Variants in SH3TC2 observed in about 807,000 individuals in gnomAD.
The protein encoded by SH3TC2 is SH3 domain and tetratricopeptide repeat-containing protein 2.
SH3TC2 carries 87 observed loss-of-function variants against 124.5 expected under a neutral mutation model. The observed-to-expected ratio is 0.70, with a 90% CI of 0.59 to 0.84. The LOEUF (loss-of-function observed/expected upper bound fraction) is 0.84, where lower values mean the gene tolerates loss of function less well. Among genes scored for constraint, SH3TC2 ranks in the 40% least tolerant of loss-of-function variants. The pLI, the probability that SH3TC2 is intolerant of heterozygous loss-of-function variation, is 0.00. For missense variants in SH3TC2, 1,536 were observed against 1,566.4 expected (o/e 0.98, Z 0.33); for synonymous variants, 634 against 628.5 (o/e 1.01, Z -0.13).
chr5:149,026,836 C>G, intron 11 of SH3TC2, 24 bp downstream of exon 11: 1 of 1,614,172 alleles, frequency 6.2e-7, no homozygotes, highest in Non-Finnish European at 8.5e-7. Flanking sequence ...TCTATAGCTT[C>G]CCAGCAGCAT....
At chr5:149,006,281 A>G (rs1360149382) in intron 16 of SH3TC2, 5 of 110,614 alleles carry the variant, frequency 4.5e-5, no homozygotes, top group Non-Finnish European at 1.0e-4. Flanking sequence ...AGCAAGCAAA[A>G]AAAGAAGTTC....
intron 3 of SH3TC2, chr5:149,046,644 T>G (rs934472813): frequency 1.3e-5 from 2 of 152,172 alleles, no homozygotes; most frequent in African/African-American, 4.8e-5. Context: ...TGATTAGATT[T>G]CAGATCTAGC....
intron 2 of SH3TC2, 93 bp downstream of exon 2, chr5:149,052,049 G>C: frequency 1.1e-6 from 1 of 913,138 alleles, no homozygotes; most frequent in South Asian, 1.3e-5. Context: ...CATCAAGAGG[G>C]AAAGAGGGAG....
chr5:149,012,480 G>A, intron 13 of SH3TC2, 104 bp downstream of exon 13: 1 of 1,427,586 alleles, frequency 7.0e-7, no homozygotes, highest in South Asian at 1.2e-5. Context: ...GGCTTAGGGT[G>A]AACATCATCC....
chr5:149,036,074 A>G (rs1387125795), intron 8 of SH3TC2: 2 of 152,200 alleles, frequency 1.3e-5, no homozygotes, highest in African/African-American at 4.8e-5. Context: ...TTATTAGCTC[A>G]TTTAAAGTCA....
rs1753610885 is a variant in SH3TC2 at position 149,002,302 on chromosome 5, G to C, written c.*2409C>G. The C allele has an allele frequency of 6.5e-6, 1 of 152,726 alleles. No homozygotes were observed. The highest frequency in any genetic ancestry group is 1.5e-5 in the Non-Finnish European group (1 of 68,098). 9.5% of individuals were successfully genotyped at this position (152,726 alleles called of 1,614,324 possible). On this transcript the variant is annotated 3_prime_UTR_variant, in exon 17 of 17. Transcript: ENST00000515425. The stretch of plus-strand genomic sequence containing the variant: ...CTGACTGTCTCCCAGGAATGTTGTT[G>C]AAAGGACTATGCACGGGAGATTAGA...
chr5:149,047,014 C>G (rs1363552559), intron 3 of SH3TC2: 1 of 152,148 alleles, frequency 6.6e-6, no homozygotes, highest in Non-Finnish European at 1.5e-5. Flanking sequence ...CATGCAGAAA[C>G]TGTAAAAAGT....
At position 148,986,632 on chromosome 5, in the gene SH3TC2, C is replaced by T. The variant is rs1351459870; in HGVS notation, c.*18079G>A. Among the ~76,000 whole-genome samples, 1 of 152,186 alleles carries T rather than the reference C, an allele frequency of 6.6e-6. No individual in the cohort carries two copies. Among genetic ancestry groups the T allele is most frequent in the Non-Finnish European group, 1.5e-5 (1 of 68,036 alleles). ...AAAAGTGAACTTCAATTAGATTATT[C>T]ATACACAACAGGTTTGAGTACATGA... On this transcript the variant is annotated 3_prime_UTR_variant, in exon 17 of 17. Transcript: ENST00000515425.
intron 12 of SH3TC2, among the ~76,000 whole-genome samples, chr5:149,020,639 A>G (rs1652460974): frequency 6.6e-6 from 1 of 152,220 alleles, no homozygotes; most frequent in Admixed American, 6.5e-5. Flanking sequence ...CCACATTAAC[A>G]GTAACCAAAG....
intron 12 of SH3TC2, 62 bp from the exon 13 acceptor site, chr5:149,012,796 C>T (rs1753806589): frequency 6.3e-7 from 1 of 1,588,042 alleles, no homozygotes; most frequent in Admixed American, 1.7e-5. Flanking sequence ...GTCCACTCAG[C>T]ACAGGATGAA....
At chr5:149,009,318 C>T (rs1028088818) in intron 14 of SH3TC2, among the ~76,000 whole-genome samples, 4 of 152,198 alleles carry the variant, frequency 2.6e-5, no homozygotes, top group African/African-American at 9.7e-5. Context: ...GCTGTGTGCT[C>T]CCCTAGCATC....
In SH3TC2 at chr5:149,012,658, C is replaced by A. The variant is rs1753803919; in HGVS notation, c.3130G>T (p.Ala1044Ser). 1.9e-6 allele frequency: 3 copies of A among 1,614,202 alleles called. No individual in the cohort carries two copies. The South Asian group carries it at 3.3e-5, about 18-fold the overall frequency. Residue 1044 changes from alanine (A) to serine (S), a missense_variant, in exon 13 of 17, where the codon GCT (alanine) becomes TCT (serine). Transcript: ENST00000515425. ...CGCCCCGCCCCAAGCCAGGCCTCAG[C>A]AGCCTTGTCTGTCTCCCCCAGGTCA... ...FIDLGETDKA[A>S]EAWLGAGRLH... is the part of the protein sequence containing the mutation.
chr5:149,011,650 T>C (rs965915670), intron 13 of SH3TC2, among the ~76,000 whole-genome samples: 3 of 152,204 alleles, frequency 2.0e-5, no homozygotes, highest in African/African-American at 7.2e-5. Flanking sequence ...GTGAAGTGTT[T>C]GGCAAAGTCT....
intron 10 of SH3TC2, 52 bp downstream of exon 10, chr5:149,028,625 A>G (rs1754126800): frequency 1.2e-6 from 2 of 1,614,192 alleles, no homozygotes; most frequent in Non-Finnish European, 1.7e-6. Context: ...GCAAGAGGAC[A>G]GAAGTGCTGT....
At chr5:149,048,409 G>C (rs1013617672) in intron 2 of SH3TC2, among the ~76,000 whole-genome samples, 2 of 152,076 alleles carry the variant, frequency 1.3e-5, no homozygotes, top group Non-Finnish European at 2.9e-5. Flanking sequence ...GTTATCATAT[G>C]TAATAGACAT....
chr5:149,050,053 C>G (rs1017609028), intron 2 of SH3TC2, among the ~76,000 whole-genome samples: 2 of 152,196 alleles, frequency 1.3e-5, no homozygotes, highest in Non-Finnish European at 2.9e-5. Context: ...TTCGTAGCCC[C>G]TGCTGACTGA....
At chr5:149,007,347 T>C (rs1753708414) in intron 15 of SH3TC2, 1 of 600,896 alleles carries the variant, frequency 1.7e-6, no homozygotes, top group Non-Finnish European at 3.0e-6. Context: ...AGTGACTAAG[T>C]AGAGGATGGG....
intron 1 of SH3TC2, among the ~76,000 whole-genome samples, chr5:149,057,029 CT>C (rs34948925): frequency 6.6e-6 from 1 of 151,904 alleles, no homozygotes; most frequent in Non-Finnish European, 1.5e-5. Context: ...TCTAATTTTT[CT>C]TTTTTTATAG....
intron 2 of SH3TC2, among the ~76,000 whole-genome samples, chr5:149,049,909 A>C (rs1754528235): frequency 6.6e-6 from 1 of 152,176 alleles, no homozygotes; most frequent in Non-Finnish European, 1.5e-5. Context: ...CCTCCCCACT[A>C]CCAGCAAGTA....
Sources: gnomAD v4.1 joint callset for allele counts (sites outside exome capture counted in the v4.1 genomes callset) on GRCh38, gnomAD v4.1.1 for gene constraint, MANE v1.5 for transcripts, NCBI Gene and HGNC (gene_info 2026-07-23, HGNC 2026-07-21) for gene names.